Variants in CD99L2 observed in about 807,000 individuals in gnomAD.
CD99L2 encodes the protein CD99 antigen-like protein 2.
Under a neutral mutation model 27.3 loss-of-function variants are expected in CD99L2, and 24 were observed. The ratio of observed to expected loss-of-function variants is 0.88; its 90% CI spans 0.64 to 1.24. CD99L2 has a LOEUF of 1.24. Ranked by LOEUF, CD99L2 falls within the 50% of genes most tolerant of loss-of-function variation. The pLI, the probability that CD99L2 is intolerant of heterozygous loss-of-function variation, is 0.00. For synonymous variants in CD99L2, 97 were observed against 87.9 expected, an observed-to-expected ratio of 1.10 and a Z score of -0.58; for missense variants, 255 against 221.6, an observed-to-expected ratio of 1.15 and a Z score of -0.96.
intron 3 of CD99L2, among the ~76,000 whole-genome samples, chrX:150,815,419 A>G (rs1424917089): frequency 2.7e-5 from 3 of 112,017 alleles, no homozygotes; most frequent in African/African-American, 9.7e-5. Flanking sequence ...GAAGAAAGGT[A>G]GCTCTCTACC....
At chrX:150,865,884 G>T (rs1433851244) in intron 1 of CD99L2, among the ~76,000 whole-genome samples, 1 of 112,630 alleles carries the variant, frequency 8.9e-6, no homozygotes, top group African/African-American at 3.2e-5. Flanking sequence ...ACTTTGGGAG[G>T]CCGAGATGGG....
At chrX:150,863,111 C>T (rs1557421951) in intron 1 of CD99L2, among the ~76,000 whole-genome samples, 1 of 112,241 alleles carries the variant, frequency 8.9e-6, no homozygotes. Flanking sequence ...CCACAATTCA[C>T]ACCTTAGTAT....
rs182034641 is a variant in CD99L2, at chrX:150,889,876, G to A, written c.67+8646C>T. ...ACTTTCTTAATAAACTTGCTAGCCG[G>A]GCGCGGTGGCTCACGCCTGTAATCC... On this transcript the variant is annotated intron_variant, in intron 1 of 10. Coordinates refer to ENST00000370377, the MANE Select transcript of CD99L2 (RefSeq NM_031462.4). Among the ~76,000 whole-genome samples the A allele has an allele frequency of 3.6e-5, 4 of 112,393 alleles. No individual in the cohort carries two copies. The East Asian group carries it at 1.1e-3, about 31-fold the overall frequency.
At chrX:150,778,709 T>A (rs868936020) in intron 7 of CD99L2, among the ~76,000 whole-genome samples, 8 of 80,109 alleles carry the variant, frequency 1.0e-4, no homozygotes, top group African/African-American at 3.3e-4. Context: ...TATATATATA[T>A]AAATAAAAGA....
At chrX:150,784,314 C>T (rs1364428122) in intron 7 of CD99L2, among the ~76,000 whole-genome samples, 11 of 111,045 alleles carry the variant, frequency 9.9e-5, no homozygotes, top group Admixed American at 6.7e-4. Flanking sequence ...ATGTAAGGAG[C>T]CAGAGAAAGA....
In CD99L2 at chrX:150,776,297, C is replaced by G; in HGVS notation, c.536-4G>C. The G allele has an allele frequency of 8.3e-7, 1 of 1,200,720 alleles. No homozygotes were observed. ...GTGCCAGGCTCTGCCACCATGCCTGCGTGAAGAAGGGGGAGAAATGAGGAC... is the reference window on the plus strand; with the variant it reads ...GTGCCAGGCTCTGCCACCATGCCTGGGTGAAGAAGGGGGAGAAATGAGGAC... On this transcript the variant is annotated splice_polypyrimidine_tract_variant and splice_region_variant and intron_variant, in intron 8 of 10. Transcript: ENST00000370377.
chrX:150,772,045 C>G (rs1162268386), intron 9 of CD99L2, among the ~76,000 whole-genome samples: 1 of 112,412 alleles, frequency 8.9e-6, no homozygotes, highest in African/African-American at 3.2e-5. Context: ...GTGTTCTGCA[C>G]CCCGGTCCCC....
At chrX:150,868,850 G>A (rs1406867679) in intron 1 of CD99L2, among the ~76,000 whole-genome samples, 2 of 111,797 alleles carry the variant, frequency 1.8e-5, no homozygotes, top group Non-Finnish European at 3.8e-5. Context: ...TAGAATCCAT[G>A]GAAGCATACT....
intron 4 of CD99L2, among the ~76,000 whole-genome samples, chrX:150,807,571 C>G (rs977035448): frequency 4.4e-5 from 5 of 112,366 alleles, no homozygotes; most frequent in African/African-American, 1.6e-4. Context: ...CAGTTCTAAT[C>G]TAGAGTTCTT....
At chrX:150,843,469 T>C (rs920081719) in intron 1 of CD99L2, among the ~76,000 whole-genome samples, 1 of 109,914 alleles carries the variant, frequency 9.1e-6, no homozygotes, top group Non-Finnish European at 1.9e-5. Flanking sequence ...GCCAACATAG[T>C]GAAACCCCGT....
chrX:150,897,526 A>AGT (rs58656065), intron 1 of CD99L2, among the ~76,000 whole-genome samples: 27,784 of 103,556 alleles, frequency 0.27, 3,010 homozygotes, highest in Middle Eastern at 0.41. Context: ...ACTAGGACAA[A>AGT]GTGTGTGTGT....
chrX:150,817,700 AG>A (rs2046183291), intron 2 of CD99L2, among the ~76,000 whole-genome samples: 1 of 111,745 alleles, frequency 8.9e-6, no homozygotes, highest in Admixed American at 9.6e-5. Context: ...AATAGAAATA[AG>A]TTGAGGTCAG....
intron 1 of CD99L2, among the ~76,000 whole-genome samples, chrX:150,847,430 G>C (rs782466892): frequency 5.4e-5 from 6 of 111,675 alleles, no homozygotes; most frequent in Non-Finnish European, 1.1e-4. Context: ...GGATTGTGTT[G>C]AATCTGTAGT....
intron 1 of CD99L2, among the ~76,000 whole-genome samples, chrX:150,891,698 C>T (rs2047514428): frequency 9.0e-6 from 1 of 111,726 alleles, no homozygotes; most frequent in Non-Finnish European, 1.9e-5. Flanking sequence ...ACCACAGCCT[C>T]CCACCCCACT....
At chrX:150,814,643 T>C (rs1458622670) in intron 4 of CD99L2, among the ~76,000 whole-genome samples, 2 of 112,311 alleles carry the variant, frequency 1.8e-5, no homozygotes, top group Non-Finnish European at 3.8e-5. Flanking sequence ...ATGATGAGCA[T>C]TGGTAAACGT....
In CD99L2 at chrX:150,814,956, A is replaced by G; in HGVS notation, c.203-20T>C. The G allele has an allele frequency of 8.3e-7, 1 of 1,210,124 alleles. No individual in the cohort carries two copies. Among genetic ancestry groups the G allele is most frequent in the Non-Finnish European group, 1.1e-6 (1 of 894,231 alleles). ...CACTACCTTCAGTGGGCCCCAAAAC[A>G]TAAAGGAAACAGCCAACTGATTAAC... On this transcript the variant is annotated intron_variant, in intron 3 of 10. Coordinates refer to ENST00000370377, the MANE Select transcript of CD99L2 (RefSeq NM_031462.4).
At chrX:150,890,551 A>T (rs2047495460) in intron 1 of CD99L2, among the ~76,000 whole-genome samples, 1 of 111,851 alleles carries the variant, frequency 8.9e-6, no homozygotes, top group South Asian at 3.7e-4. Flanking sequence ...AAAAAACAAC[A>T]CTGGTTGAAG....
intron 4 of CD99L2, among the ~76,000 whole-genome samples, chrX:150,812,235 C>T (rs1179309458): frequency 1.8e-5 from 2 of 111,937 alleles, no homozygotes; most frequent in Non-Finnish European, 3.8e-5. Context: ...TCTAAAACTT[C>T]TGCAAAGGAC....
At chrX:150,855,519 C>A (rs797029963) in intron 1 of CD99L2, among the ~76,000 whole-genome samples, 1 of 110,748 alleles carries the variant, frequency 9.0e-6, no homozygotes, top group South Asian at 3.9e-4. Context: ...CATGAGATCT[C>A]GTGATAACTC....
Sources: allele counts gnomAD v4.1 joint callset (sites outside exome capture counted in the v4.1 genomes callset), GRCh38; gene constraint gnomAD v4.1.1; transcripts MANE v1.5; gene names NCBI Gene and HGNC (gene_info 2026-07-23, HGNC 2026-07-21).